HFM1: variants seen among roughly 807,000 people sequenced by gnomAD.
The protein encoded by HFM1 is probable ATP-dependent DNA helicase HFM1.
In HFM1, 169 loss-of-function variants were observed where a neutral mutation model predicts 192.1. That is an observed-to-expected ratio of 0.88 (90% confidence interval 0.78 to 1.00). HFM1 has a LOEUF of 1.00. Among genes scored for constraint, HFM1 ranks in the 50% least tolerant of loss-of-function variants. HFM1 has a pLI of 0.00. For synonymous variants in HFM1, 525 were observed against 537.8 expected (o/e 0.98, Z 0.33); for missense variants, 1,661 against 1,668.0 (o/e 1.00, Z 0.07).
At chr1:91,347,403 A>G (rs1278005565) in intron 19 of HFM1, 26 bp downstream of exon 19, 1 of 1,381,386 alleles carries the variant, frequency 7.2e-7, no homozygotes. Flanking sequence ...TATAGAATCT[A>G]ATTTTTAGAA....
chr1:91,373,647 A>G (rs991515010), intron 13 of HFM1, among the ~76,000 whole-genome samples: 1 of 150,878 alleles, frequency 6.6e-6, no homozygotes, highest in Admixed American at 6.6e-5. Flanking sequence ...AGTGTATGGT[A>G]CCCCCCGACC....
In HFM1 at chr1:91,273,753, T is replaced by C. The variant is rs1244282284; in HGVS notation, c.3731A>G (p.Tyr1244Cys). 2 of 1,602,614 alleles carry C rather than the reference T, an allele frequency of 1.2e-6. No individual in the cohort carries two copies. Among genetic ancestry groups the C allele is most frequent in the Admixed American group, 1.7e-5 (1 of 59,886 alleles). Residue 1244 changes from tyrosine (Y) to cysteine (C), a missense_variant, in exon 34 of 39, where the codon TAT (tyrosine) becomes TGT (cysteine). Coordinates refer to ENST00000370425, the MANE Select transcript of HFM1 (RefSeq NM_001017975.6). ...IMEQWDQPEI[Y>C]GKVRQEPSEY... Reference sequence around the variant, plus strand: ...AGATGGTTCTTGTCTAACTTTTCCATAGATTTCAGGCTGATCCCACTGCTC... The same window carrying C: ...AGATGGTTCTTGTCTAACTTTTCCACAGATTTCAGGCTGATCCCACTGCTC...
chr1:91,347,344 C>T (rs1193975073), intron 19 of HFM1, 85 bp downstream of exon 19: 2 of 680,028 alleles, frequency 2.9e-6, no homozygotes, highest in Non-Finnish European at 4.8e-6. Context: ...AAATGATTTA[C>T]AAAAGCATAT....
Position 91,316,413 on chromosome 1 carries a change from GTCTCT to G in HFM1, c.2871_2875del (p.Glu957AspfsTer7). Reference sequence around the variant, plus strand: ...TACCAATTCAAGTTCCCTTGCATCTGTCTCTTCTATTTTTTTAAAGGAAGTCAAAC... The same window carrying G: ...TACCAATTCAAGTTCCCTTGCATCTGTCTATTTTTTTAAAGGAAGTCAAAC... On this transcript the variant is annotated frameshift_variant, in exon 26 of 39. Coordinates refer to ENST00000370425, the MANE Select transcript of HFM1 (RefSeq NM_001017975.6). LOFTEE classifies it high-confidence loss of function. 1 of 1,573,920 alleles carries G rather than the reference GTCTCT, an allele frequency of 6.4e-7. No homozygotes were observed. Among genetic ancestry groups the G allele is most frequent in the Non-Finnish European group, 8.7e-7 (1 of 1,153,278 alleles).
intron 13 of HFM1, among the ~76,000 whole-genome samples, chr1:91,357,737 A>G (rs1557438507): frequency 6.6e-6 from 1 of 152,248 alleles, no homozygotes; most frequent in East Asian, 1.9e-4. Flanking sequence ...GTTAGAACTA[A>G]TAATTCAGTA....
intron 6 of HFM1, among the ~76,000 whole-genome samples, chr1:91,384,474 A>G (rs952317548): frequency 2.2e-4 from 34 of 152,138 alleles, no homozygotes; most frequent in Admixed American, 2.2e-3. Flanking sequence ...TCCAAATTAG[A>G]TTTTCAAAAA....
intron 4 of HFM1, among the ~76,000 whole-genome samples, chr1:91,387,445 C>T (rs941010826): frequency 2.6e-5 from 4 of 151,900 alleles, no homozygotes; most frequent in Non-Finnish European, 2.9e-5. Context: ...GGTCTGTATT[C>T]GTACTGAAAA....
chr1:91,318,339 TAAC>T (rs910415895), intron 25 of HFM1, among the ~76,000 whole-genome samples: 95 of 152,270 alleles, frequency 6.2e-4, no homozygotes, highest in African/African-American at 2.2e-3. Flanking sequence ...TTCAAATAAA[TAAC>T]AAAACATCCC....
At chr1:91,352,754 C>T (rs1296506865) in intron 15 of HFM1, 103 bp from the exon 16 acceptor site, 4 of 846,370 alleles carry the variant, frequency 4.7e-6, no homozygotes, top group African/African-American at 3.6e-5. Flanking sequence ...AAAACTCATA[C>T]ATAAGAAATT....
At chr1:91,267,661 C>G (rs1303967178) in intron 35 of HFM1, 84 bp downstream of exon 35, 2 of 651,538 alleles carry the variant, frequency 3.1e-6, no homozygotes, top group African/African-American at 3.8e-5. Context: ...ACAACAAAGG[C>G]AAAGAAACTT....
At chr1:91,327,468 C>T (rs1653086496) in intron 20 of HFM1, among the ~76,000 whole-genome samples, 1 of 152,054 alleles carries the variant, frequency 6.6e-6, no homozygotes, top group South Asian at 2.1e-4. Flanking sequence ...TAGTGAGGAG[C>T]ACCCAGATAT....
chr1:91,266,450 C>T (rs990738441), intron 35 of HFM1, among the ~76,000 whole-genome samples: 3 of 152,126 alleles, frequency 2.0e-5, no homozygotes, highest in Non-Finnish European at 2.9e-5. Flanking sequence ...GCTTGCTTGG[C>T]GTGTGGGAAA....
intron 13 of HFM1, among the ~76,000 whole-genome samples, chr1:91,360,044 A>G (rs1243478785): frequency 6.6e-6 from 1 of 152,222 alleles, no homozygotes; most frequent in African/African-American, 2.4e-5. Flanking sequence ...AAGGAGAAAT[A>G]AGGTTCTTTT....
At chr1:91,390,750 G>C (rs1224236987) in intron 4 of HFM1, among the ~76,000 whole-genome samples, 1 of 152,124 alleles carries the variant, frequency 6.6e-6, no homozygotes, top group Non-Finnish European at 1.5e-5. Context: ...GGAAGTTCTG[G>C]CCAGGGCAAT....
rs1192174491 is a variant in HFM1 at position 91,371,311 on chromosome 1, T to C, written c.1685+4047A>G. ...CAATTCTATGCCAAAAGAACAAAGC[T>C]GGAGGCATCACACTACCTGACTTCA... On this transcript the variant is annotated intron_variant, in intron 13 of 38. Coordinates refer to ENST00000370425, the MANE Select transcript of HFM1 (RefSeq NM_001017975.6). Among the ~76,000 whole-genome samples, 3 of 142,830 alleles carry C rather than the reference T, an allele frequency of 2.1e-5. No homozygotes were observed. In the Admixed American group the frequency reaches 2.1e-4, roughly 10 times the overall value. 93.7% of individuals were successfully genotyped at this position (142,830 alleles called of 152,430 possible).
At chr1:91,395,738 C>T (rs1201452848) in intron 3 of HFM1, among the ~76,000 whole-genome samples, 2 of 152,050 alleles carry the variant, frequency 1.3e-5, no homozygotes, top group East Asian at 1.9e-4. Flanking sequence ...TATTTTGATA[C>T]ATGCATATAC....
intron 30 of HFM1, among the ~76,000 whole-genome samples, chr1:91,303,088 G>T (rs1009947700): frequency 6.6e-6 from 1 of 151,950 alleles, no homozygotes; most frequent in Non-Finnish European, 1.5e-5. Flanking sequence ...TATTCCCAAG[G>T]TTGTGCAACA....
At chr1:91,316,327 T>C (rs1372048307) in intron 26 of HFM1, 64 bp downstream of exon 26, 18 of 1,123,402 alleles carry the variant, frequency 1.6e-5, no homozygotes, top group Non-Finnish European at 2.3e-5. Flanking sequence ...GAAAATAACT[T>C]TTAATAGAAA....
At chr1:91,296,213 C>G (rs1278616474) in intron 30 of HFM1, among the ~76,000 whole-genome samples, 1 of 152,210 alleles carries the variant, frequency 6.6e-6, no homozygotes, top group Non-Finnish European at 1.5e-5. Context: ...GCCACCGCGC[C>G]CAGACTGACA....
Sources: allele counts gnomAD v4.1 joint callset (sites outside exome capture counted in the v4.1 genomes callset), GRCh38; gene constraint gnomAD v4.1.1; transcripts MANE v1.5; gene names NCBI Gene and HGNC (gene_info 2026-07-23, HGNC 2026-07-21).